The following DIAPH3 variants were observed in gnomAD, a reference collection of about 807,000 sequenced individuals.
The protein encoded by DIAPH3 is protein diaphanous homolog 3.
Under a neutral mutation model 144.3 loss-of-function variants are expected in DIAPH3, and 117 were observed. The ratio of observed to expected loss-of-function variants is 0.81; its 90% CI spans 0.70 to 0.95. DIAPH3 has a LOEUF of 0.95. DIAPH3 is among the 40% of genes least tolerant of loss of function. The probability of loss-of-function intolerance (pLI) is 0.00; values close to 1 mark genes in which losing one functional copy is unlikely to be tolerated. For missense variants in DIAPH3, 1,421 were observed against 1,412.7 expected, an observed-to-expected ratio of 1.01 and a Z score of -0.09; for synonymous variants, 519 against 488.9, an observed-to-expected ratio of 1.06 and a Z score of -0.81.
Position 59,666,357 on chromosome 13 carries a change from CAAAAA to C in DIAPH3, c.*222_*226del. The C allele has an allele frequency of 3.6e-4, 109 of 300,376 alleles. No homozygotes were observed. Among genetic ancestry groups the C allele is most frequent in the Middle Eastern group, 8.9e-4 (1 of 1,126 alleles). The allele number at this position is 300,376 out of a possible 1,614,324, so 18.6% of individuals were successfully genotyped here. On this transcript the variant is annotated 3_prime_UTR_variant, in exon 28 of 28. Coordinates refer to ENST00000400324, the MANE Select transcript of DIAPH3 (RefSeq NM_001042517.2). Reference sequence around the variant, plus strand: ...TAAAGAACTGAGGAATACCAGGAGACAAAAAAAAAAAAAAAAGGATTAAAGCCCGG... The same window carrying C: ...TAAAGAACTGAGGAATACCAGGAGACAAAAAAAAAAAGGATTAAAGCCCGG...
chr13:59,724,747 C>T (rs770366366), intron 27 of DIAPH3, among the ~76,000 whole-genome samples: 29 of 152,148 alleles, frequency 1.9e-4, no homozygotes, highest in Non-Finnish European at 3.7e-4. Flanking sequence ...TGAAAGAAAT[C>T]GTTGTGAAAA....
At chr13:60,021,481 G>C (rs796340084) in intron 5 of DIAPH3, among the ~76,000 whole-genome samples, 104 of 152,028 alleles carry the variant, frequency 6.8e-4, no homozygotes, top group African/African-American at 2.5e-3. Flanking sequence ...AAAAATAGCC[G>C]GGTGTGGTGG....
chr13:60,038,691 G>A (rs2055407037), intron 5 of DIAPH3, among the ~76,000 whole-genome samples: 1 of 151,998 alleles, frequency 6.6e-6, no homozygotes, highest in African/African-American at 2.4e-5. Flanking sequence ...TTGTTAATTT[G>A]AAAATGAAAA....
chr13:59,670,930 A>G (rs1172251135), intron 27 of DIAPH3, among the ~76,000 whole-genome samples: 1 of 152,062 alleles, frequency 6.6e-6, no homozygotes, highest in Non-Finnish European at 1.5e-5. Context: ...GGCTGGGGAT[A>G]AGCTATCTAC....
At chr13:59,723,929 T>A (rs1457360781) in intron 27 of DIAPH3, among the ~76,000 whole-genome samples, 2 of 146,676 alleles carry the variant, frequency 1.4e-5, no homozygotes, top group Admixed American at 6.9e-5. Flanking sequence ...TGATAGTCTA[T>A]CTATCTGTTC....
At chr13:60,085,458 G>A (rs1049996197) in intron 4 of DIAPH3, among the ~76,000 whole-genome samples, 9 of 151,976 alleles carry the variant, frequency 5.9e-5, no homozygotes, top group African/African-American at 1.4e-4. Context: ...TCTCATTCTC[G>A]GCTGTATCCT....
chr13:60,104,291 A>T (rs947452189), intron 3 of DIAPH3, among the ~76,000 whole-genome samples: 6 of 152,164 alleles, frequency 3.9e-5, no homozygotes, highest in East Asian at 1.9e-4. Context: ...TGATTATTTA[A>T]AAGTTATATT....
In DIAPH3 at chr13:60,042,809, C is replaced by T. The variant is rs1369562968; in HGVS notation, c.507G>A (p.Lys169=). The change falls in exon 5 of 28, where the codon AAG becomes AAA. Residue 169 remains lysine (K), a synonymous_variant. Coordinates refer to ENST00000400324, the MANE Select transcript of DIAPH3 (RefSeq NM_001042517.2). ...CCTGAGGTGAGATCTGTCGGCTTCT[C>T]TTAAGACTTCCCTATAAAATAAGTC... is the stretch of plus-strand genomic sequence containing the variant. ...INTASKTGSL[K]RSRQISPQEF... 2 of 1,613,406 alleles carry T rather than the reference C, an allele frequency of 1.2e-6. No homozygotes were observed. Among genetic ancestry groups the T allele is most frequent in the Non-Finnish European group, 8.5e-7 (1 of 1,179,562 alleles).
chr13:59,942,575 AAAAGT>A (rs2048589193), intron 17 of DIAPH3, among the ~76,000 whole-genome samples: 1 of 152,160 alleles, frequency 6.6e-6, no homozygotes, highest in South Asian at 2.1e-4. Flanking sequence ...ACAATTTTTA[AAAAGT>A]AAAGTTTCCC....
At chr13:60,077,696 C>G (rs554584137) in intron 4 of DIAPH3, among the ~76,000 whole-genome samples, 1 of 152,180 alleles carries the variant, frequency 6.6e-6, no homozygotes, top group East Asian at 1.9e-4. Context: ...AGGGAGTATT[C>G]AGACACATAA....
At chr13:60,097,205 A>C (rs2058129459) in intron 3 of DIAPH3, among the ~76,000 whole-genome samples, 1 of 152,290 alleles carries the variant, frequency 6.6e-6, no homozygotes, top group East Asian at 1.9e-4. Flanking sequence ...ACTTGCTCTA[A>C]TTTGGATGTT....
intron 22 of DIAPH3, among the ~76,000 whole-genome samples, chr13:59,845,901 T>C (rs1439687647): frequency 6.6e-6 from 1 of 152,196 alleles, no homozygotes; most frequent in Non-Finnish European, 1.5e-5. Context: ...TTACAAAACA[T>C]ATTGCAGATA....
Position 60,163,692 on chromosome 13 carries a change from G to A in DIAPH3, c.75C>T (p.Ala25=). 1 of 1,608,282 alleles carries A rather than the reference G, an allele frequency of 6.2e-7. No homozygotes were observed. The highest frequency in any genetic ancestry group is 8.5e-7 in the Non-Finnish European group (1 of 1,176,162). The change falls in exon 1 of 28, where the codon GCC becomes GCT. Residue 25 remains alanine (A), a synonymous_variant. Transcript: ENST00000400324. ...SAAGTPYPSS[A]SLRGCRESKM... ...TGCTTTCCCGGCAGCCGCGGAGAGAGGCTGAGGAAGGGTAGGGAGTCCCAG... is the reference window on the plus strand; with the variant it reads ...TGCTTTCCCGGCAGCCGCGGAGAGAAGCTGAGGAAGGGTAGGGAGTCCCAG...
intron 18 of DIAPH3, among the ~76,000 whole-genome samples, chr13:59,923,394 T>C (rs1183524490): frequency 1.3e-5 from 2 of 152,104 alleles, no homozygotes; most frequent in African/African-American, 4.8e-5. Context: ...GACAAAGTTC[T>C]TTTGGGAGGG....
intron 4 of DIAPH3, among the ~76,000 whole-genome samples, chr13:60,070,331 A>G (rs752089164): frequency 2.7e-5 from 4 of 147,128 alleles, no homozygotes; most frequent in Non-Finnish European, 4.5e-5. Flanking sequence ...CTAAAAGCCC[A>G]CTGCAGGGTA....
intron 25 of DIAPH3, among the ~76,000 whole-genome samples, chr13:59,783,736 C>T (rs1056626881): frequency 6.6e-6 from 1 of 152,140 alleles, no homozygotes; most frequent in Non-Finnish European, 1.5e-5. Context: ...ACCTATTTCA[C>T]AAAATATTGA....
At chr13:59,943,520 T>A (rs1363640773) in intron 17 of DIAPH3, among the ~76,000 whole-genome samples, 2 of 152,160 alleles carry the variant, frequency 1.3e-5, no homozygotes, top group African/African-American at 4.8e-5. Flanking sequence ...AAAATCTTAA[T>A]CTATTTCGTT....
intron 2 of DIAPH3, among the ~76,000 whole-genome samples, chr13:60,131,305 G>A (rs2059130215): frequency 1.3e-5 from 2 of 151,484 alleles, no homozygotes; most frequent in Middle Eastern, 3.2e-3. Flanking sequence ...GTGAGGTGGT[G>A]CATGCCTGTA....
At chr13:60,063,915 G>A (rs2056862281) in intron 4 of DIAPH3, among the ~76,000 whole-genome samples, 1 of 151,380 alleles carries the variant, frequency 6.6e-6, no homozygotes, top group Non-Finnish European at 1.5e-5. Flanking sequence ...AGCAATAAGA[G>A]CAAACCCCCA....
Sources: gnomAD v4.1 joint callset for allele counts (sites outside exome capture counted in the v4.1 genomes callset) on GRCh38, gnomAD v4.1.1 for gene constraint, MANE v1.5 for transcripts, NCBI Gene and HGNC (gene_info 2026-07-23, HGNC 2026-07-21) for gene names.